The following FLRT1 variants were observed in gnomAD, a reference collection of about 807,000 sequenced individuals.
The protein encoded by FLRT1 is leucine-rich repeat transmembrane protein FLRT1.
A neutral mutation model predicts 30.9 loss-of-function variants in FLRT1; 14 were observed. The observed-to-expected ratio is 0.45, with a 90% CI of 0.30 to 0.71. The LOEUF (loss-of-function observed/expected upper bound fraction) is 0.71, where lower values mean the gene tolerates loss of function less well. FLRT1 is among the 30% of genes least tolerant of loss of function. FLRT1 has a pLI of 0.08. For synonymous variants in FLRT1, 368 were observed against 430.4 expected (o/e 0.85, Z 1.80); for missense variants, 737 against 949.2 (o/e 0.78, Z 2.94).
chr11:64,046,151 T>A (rs1448106436), intron 1 of FLRT1, among the ~76,000 whole-genome samples: 1 of 152,148 alleles, frequency 6.6e-6, no homozygotes, highest in African/African-American at 2.4e-5. Flanking sequence ...ACCCGGCTTC[T>A]CTTAGCATGG....
chr11:64,058,308 G>C (rs1296367419), intron 1 of FLRT1, among the ~76,000 whole-genome samples: 2 of 152,224 alleles, frequency 1.3e-5, no homozygotes, highest in Non-Finnish European at 2.9e-5. Flanking sequence ...TGTGCTCCTT[G>C]GTGCCCATCT....
At chr11:64,076,333 G>A (rs1212656957) in intron 1 of FLRT1, among the ~76,000 whole-genome samples, 1 of 152,218 alleles carries the variant, frequency 6.6e-6, no homozygotes, top group East Asian at 1.9e-4. Flanking sequence ...TTAGGGACAG[G>A]GACAGGTCTG....
chr11:64,056,451 A>G (rs1409394943), intron 1 of FLRT1, among the ~76,000 whole-genome samples: 1 of 152,020 alleles, frequency 6.6e-6, no homozygotes. Flanking sequence ...GTGGGGAGGA[A>G]GGGGGAGCAG....
chr11:64,069,931 C>T (rs2134458938), intron 1 of FLRT1, among the ~76,000 whole-genome samples: 1 of 152,220 alleles, frequency 6.6e-6, no homozygotes, highest in South Asian at 2.1e-4. Flanking sequence ...ACATGTCACC[C>T]TGAGCCCGAC....
intron 1 of FLRT1, among the ~76,000 whole-genome samples, chr11:64,068,080 G>A (rs991596207): frequency 6.6e-6 from 1 of 152,206 alleles, no homozygotes; most frequent in African/African-American, 2.4e-5. Flanking sequence ...TTCTCAAACC[G>A]GAGCCGGGCG....
At chr11:64,075,319 G>A (rs1182827526) in intron 1 of FLRT1, among the ~76,000 whole-genome samples, 1 of 152,268 alleles carries the variant, frequency 6.6e-6, no homozygotes, top group Non-Finnish European at 1.5e-5. Context: ...CCATCACCCT[G>A]TTTAGACAGA....
chr11:64,059,321 C>T (rs1225918395), intron 1 of FLRT1, among the ~76,000 whole-genome samples: 1 of 152,130 alleles, frequency 6.6e-6, no homozygotes, highest in African/African-American at 2.4e-5. Context: ...AAGGTGGATG[C>T]GTGTAGCCAC....
chr11:64,061,854 G>A (rs892095044), intron 1 of FLRT1, among the ~76,000 whole-genome samples: 17 of 150,258 alleles, frequency 1.1e-4, no homozygotes, highest in African/African-American at 4.2e-4. Context: ...GGGACCACAG[G>A]CGTGTGCCAC....
At chr11:64,039,759 G>A (rs1199325922) in intron 1 of FLRT1, among the ~76,000 whole-genome samples, 5 of 152,340 alleles carry the variant, frequency 3.3e-5, no homozygotes, top group African/African-American at 9.6e-5. Context: ...CGGGGCCAGC[G>A]GCTCTGCAGA....
At chr11:64,054,234 AC>A (rs970322480) in intron 1 of FLRT1, among the ~76,000 whole-genome samples, 13 of 152,186 alleles carry the variant, frequency 8.5e-5, no homozygotes, top group African/African-American at 2.4e-4. Flanking sequence ...GAGAGGACAG[AC>A]CATAGCCTGC....
chr11:64,065,525 C>T (rs1048928265), intron 1 of FLRT1, among the ~76,000 whole-genome samples: 2 of 152,282 alleles, frequency 1.3e-5, no homozygotes, highest in South Asian at 4.1e-4. Flanking sequence ...CGCGGTGGCT[C>T]ATGCCTGTAA....
In FLRT1 at chr11:64,117,411, G is replaced by A. The variant is rs760631744; in HGVS notation, c.1144G>A (p.Gly382Arg). 1.9e-6 allele frequency: 3 copies of A among 1,612,288 alleles called. No homozygotes were observed. The African/African-American group carries it at 4.0e-5, about 21-fold the overall frequency. ...CGAGATGGACGAGTGTTTTGAGACG[G>A]GGCCGCAGGGCGGCGTGGCCAATGC... The part of the protein sequence containing the change: ...TSEMDECFET[G>R]PQGGVANAAA... The change falls in exon 3 of 3, where the codon GGG becomes AGG. Residue 382 changes from glycine to arginine, a missense_variant. By Grantham distance (125) the Gly-to-Arg change is moderately radical. Coordinates refer to ENST00000682287, the MANE Select transcript of FLRT1 (RefSeq NM_013280.5).
At chr11:64,066,643 G>GA (rs942773480) in intron 1 of FLRT1, among the ~76,000 whole-genome samples, 2,078 of 78,800 alleles carry the variant, frequency 0.026, 35 homozygotes, top group African/African-American at 0.067. Flanking sequence ...TCTTCAAAAA[G>GA]AAAAAAAAAA....
intron 2 of FLRT1, among the ~76,000 whole-genome samples, chr11:64,111,801 C>T (rs1308464333): frequency 1.3e-5 from 2 of 152,182 alleles, no homozygotes; most frequent in Non-Finnish European, 2.9e-5. Context: ...CTTCCCAGTC[C>T]CCAATGTAAT....
chr11:64,085,412 G>A (rs1343629119), intron 1 of FLRT1, among the ~76,000 whole-genome samples: 2 of 152,252 alleles, frequency 1.3e-5, no homozygotes. Context: ...CGGGGACGGA[G>A]GGCGGGGGAG....
intron 1 of FLRT1, among the ~76,000 whole-genome samples, chr11:64,077,947 T>A (rs1486027181): frequency 1.3e-5 from 2 of 152,110 alleles, no homozygotes; most frequent in Non-Finnish European, 2.9e-5. Flanking sequence ...TAAGCCCTGA[T>A]GGGCCCGTGC....
intron 1 of FLRT1, among the ~76,000 whole-genome samples, chr11:64,066,955 A>T (rs937479506): frequency 1.3e-5 from 2 of 152,194 alleles, no homozygotes; most frequent in Non-Finnish European, 2.9e-5. Flanking sequence ...CCAGTGCGCT[A>T]CGGAGGGTCA....
intron 1 of FLRT1, among the ~76,000 whole-genome samples, chr11:64,054,117 G>A (rs979010477): frequency 3.9e-5 from 6 of 152,192 alleles, no homozygotes; most frequent in Non-Finnish European, 8.8e-5. Context: ...CAGCCCCTGA[G>A]TTCTACCAGG....
intron 1 of FLRT1, among the ~76,000 whole-genome samples, chr11:64,059,299 C>T (rs1223188175): frequency 1.3e-5 from 2 of 152,174 alleles, no homozygotes; most frequent in African/African-American, 4.8e-5. Flanking sequence ...CTTGCGGGTC[C>T]TGGCTCCACT....
Sources: allele counts gnomAD v4.1 joint callset (sites outside exome capture counted in the v4.1 genomes callset), GRCh38; gene constraint gnomAD v4.1.1; transcripts MANE v1.5; gene names NCBI Gene and HGNC (gene_info 2026-07-23, HGNC 2026-07-21).